Variants in KLC2 observed in about 807,000 individuals in gnomAD.
The protein encoded by KLC2 is kinesin light chain 2, also known as KLC 2.
A neutral mutation model predicts 75.1 loss-of-function variants in KLC2; 35 were observed. The observed-to-expected ratio is 0.47, with a 90% CI of 0.36 to 0.62. KLC2 has a LOEUF of 0.62. KLC2 is among the 20% of genes least tolerant of loss of function. The probability of loss-of-function intolerance (pLI) is 0.00; values close to 1 mark genes in which losing one functional copy is unlikely to be tolerated. For missense variants in KLC2, 611 were observed against 833.2 expected, an observed-to-expected ratio of 0.73 and a Z score of 3.28; for synonymous variants, 314 against 336.7, an observed-to-expected ratio of 0.93 and a Z score of 0.74.
At position 66,267,730 on chromosome 11, in the gene KLC2, C is replaced by A. The variant is rs1024389156; in HGVS notation, c.*774C>A. 6.1e-6 allele frequency: 3 copies of A among 489,072 alleles called. No individual in the cohort carries two copies. The highest frequency in any genetic ancestry group is 4.1e-5 in the African/African-American group (2 of 49,046). The allele number at this position is 489,072 out of a possible 1,614,324, so 30.3% of individuals were successfully genotyped here. ...CGAGCCATCCTGCCTCGCCTCCCCC[C>A]ACGCCTGCAGCTTCTCGCGAGGGGC... On this transcript the variant is annotated 3_prime_UTR_variant, in exon 16 of 16. Coordinates refer to ENST00000394067, the MANE Select transcript of KLC2 (RefSeq NM_001318734.2).
chr11:66,258,535 G>C, intron 1 of KLC2, 49 bp from the exon 2 acceptor site: 2 of 1,303,584 alleles, frequency 1.5e-6, no homozygotes, highest in Non-Finnish European at 2.2e-6. Context: ...GCGGACGGCG[G>C]TGTGGCCCCA....
Position 66,267,516 on chromosome 11 carries a change from C to T in KLC2, c.*560C>T. 1.5e-6 allele frequency: 1 copy of T among 673,168 alleles called. No homozygotes were observed. The highest frequency in any genetic ancestry group is 2.8e-6 in the Non-Finnish European group (1 of 360,858). 41.7% of individuals were successfully genotyped at this position (673,168 alleles called of 1,614,324 possible). The stretch of plus-strand genomic sequence containing the variant: ...GCGCCTCCCAAGGGGGTCCTGGGAC[C>T]TTCTCGCGCTCCTCCTGGCCTCTGA... On this transcript the variant is annotated 3_prime_UTR_variant, in exon 16 of 16. Transcript: ENST00000394067.
rs756208174 is a variant in KLC2 at position 66,267,583 on chromosome 11, G to A, written c.*627G>A. On this transcript the variant is annotated 3_prime_UTR_variant, in exon 16 of 16. Coordinates refer to ENST00000394067, the MANE Select transcript of KLC2 (RefSeq NM_001318734.2). ...GCGCCATCGCCCCGTGGCCCAGGAC[G>A]GGGACCTCCCCTTAGTCCGTCCTCC... The A allele has an allele frequency of 4.0e-5, 25 of 618,914 alleles. No homozygotes were observed. The highest frequency in any genetic ancestry group is 2.4e-4 in the South Asian group (13 of 53,782). The allele number at this position is 618,914 out of a possible 1,614,324, so 38.3% of individuals were successfully genotyped here.
rs71457705 is a variant in KLC2, at chr11:66,267,538, C to T, written c.*582C>T. On this transcript the variant is annotated 3_prime_UTR_variant, in exon 16 of 16. Coordinates refer to ENST00000394067, the MANE Select transcript of KLC2 (RefSeq NM_001318734.2). ...GACCTTCTCGCGCTCCTCCTGGCCT[C>T]TGAGGGATGCGTCCTACCCGCGCCA... The T allele has an allele frequency of 1.4e-5, 9 of 652,710 alleles. No individual in the cohort carries two copies. The highest frequency in any genetic ancestry group is 5.4e-5 in the African/African-American group (3 of 55,356). 40.4% of individuals were successfully genotyped at this position (652,710 alleles called of 1,614,324 possible).
chr11:66,267,535 C>G lies in KLC2; in HGVS notation c.*579C>G. The G allele has an allele frequency of 1.5e-6, 1 of 655,182 alleles. No individual in the cohort carries two copies. The highest frequency in any genetic ancestry group is 1.8e-5 in the African/African-American group (1 of 55,424). 40.6% of individuals were successfully genotyped at this position (655,182 alleles called of 1,614,324 possible). ...TGGGACCTTCTCGCGCTCCTCCTGG[C>G]CTCTGAGGGATGCGTCCTACCCGCG... On this transcript the variant is annotated 3_prime_UTR_variant, in exon 16 of 16. Coordinates refer to ENST00000394067, the MANE Select transcript of KLC2 (RefSeq NM_001318734.2).
In KLC2 at chr11:66,264,056, A is replaced by G. The variant is rs1473654370; in HGVS notation, c.953A>G (p.Lys318Arg). Reference sequence around the variant, plus strand: ...CCTCTCCCATCCCAGGTCCTGGGCAAGTTTCACCCAGATGTGGCCAAGCAG... The same window carrying G: ...CCTCTCCCATCCCAGGTCCTGGGCAGGTTTCACCCAGATGTGGCCAAGCAG... ...ALEIREKVLGKFHPDVAKQLS... is the reference protein window; with the variant it reads ...ALEIREKVLGRFHPDVAKQLS... The change falls in exon 8 of 16, where the codon AAG becomes AGG. Residue 318 changes from lysine (K) to arginine (R), a missense_variant. Lys to Arg is a conservative substitution (Grantham distance 26). Transcript: ENST00000394067. 6.2e-7 allele frequency: 1 copy of G among 1,607,776 alleles called. No individual in the cohort carries two copies. Among genetic ancestry groups the G allele is most frequent in the East Asian group, 2.2e-5 (1 of 44,624 alleles).
chr11:66,262,748 C>A, intron 4 of KLC2, 66 bp from the exon 5 acceptor site: 1 of 1,207,384 alleles, frequency 8.3e-7, no homozygotes, highest in South Asian at 1.3e-5. Context: ...AAAGGCACAG[C>A]TGGCATGTGC....
upstream of KLC2, among the ~76,000 whole-genome samples, chr11:66,256,760 A>C (rs1365034908): frequency 1.3e-5 from 2 of 152,200 alleles, no homozygotes; most frequent in Non-Finnish European, 2.9e-5. Context: ...CACTTGTGTC[A>C]AAGGCAGCCT....
chr11:66,246,108 A>T, the KLC2 span: 3 of 152,476 alleles, frequency 2.0e-5, no homozygotes, highest in Admixed American at 2.0e-4. Context: ...AATGAAAATC[A>T]TACCTGCCTT....
At chr11:66,256,367 AT>A (rs1856038477), upstream of KLC2, among the ~76,000 whole-genome samples, 1 of 152,152 alleles carries the variant, frequency 6.6e-6, no homozygotes, top group African/African-American at 2.4e-5. Flanking sequence ...AGGTGAGTGG[AT>A]CACCTGAGGT....
chr11:66,266,374 T>C (rs1856825005), intron 14 of KLC2, 59 bp from the exon 15 acceptor site: 1 of 909,852 alleles, frequency 1.1e-6, no homozygotes. Flanking sequence ...CCCTTCTCCC[T>C]GCCCCCATCT....
chr11:66,266,466 C>G lies in KLC2; in HGVS notation c.1761C>G (p.Asn587Lys), dbSNP rs1277875696. ...GGGCCAGTTCCCTCAACTTCCTCAA[C>G]AAGAGCGTGGAAGAGCCGACCCAGG... ...MKRASSLNFL[N>K]KSVEEPTQPG... The change falls in exon 15 of 16, where the codon AAC becomes AAG. Residue 587 changes from asparagine to lysine, a missense_variant. Transcript: ENST00000394067. The G allele has an allele frequency of 6.2e-7, 1 of 1,613,128 alleles. No individual in the cohort carries two copies. The highest frequency in any genetic ancestry group is 8.5e-7 in the Non-Finnish European group (1 of 1,179,482).
At chr11:66,244,231 G>A in the KLC2 span, 1 of 152,378 alleles carries the variant, frequency 6.6e-6, no homozygotes, top group African/African-American at 2.4e-5. Context: ...CAGACATTCT[G>A]TTTCATCTCC....
intron 2 of KLC2, 45 bp downstream of exon 2, chr11:66,258,867 C>T (rs759574325): frequency 1.5e-6 from 2 of 1,366,192 alleles, no homozygotes; most frequent in Non-Finnish European, 2.1e-6. Flanking sequence ...CTGGAGGGAT[C>T]GAGCCTTCAA....
At position 66,265,908 on chromosome 11, in the gene KLC2, G is replaced by T. The variant is rs372035425; in HGVS notation, c.1498G>T (p.Gly500Cys). The T allele has an allele frequency of 4.7e-5, 75 of 1,580,066 alleles. No individual in the cohort carries two copies. The African/African-American group carries it at 9.1e-4, about 19-fold the overall frequency. The change falls in exon 13 of 16, where the codon GGC becomes TGC. Residue 500 changes from glycine to cysteine, a missense_variant. Gly to Cys is a radical substitution (Grantham distance 159). Transcript: ENST00000394067. ...GGTAGAACTGCTGAAAGATGGCAGT[G>T]GCAGGCGGGGAGACCGCCGCAGCAG... ...KVVELLKDGS[G>C]RRGDRRSSRD... is the part of the protein sequence containing the mutation.
Position 66,258,763 on chromosome 11 carries a change from C to G in KLC2, c.169C>G (p.Arg57Gly). 6.2e-7 allele frequency: 1 copy of G among 1,613,502 alleles called. No homozygotes were observed. Among genetic ancestry groups the G allele is most frequent in the Non-Finnish European group, 8.5e-7 (1 of 1,179,982 alleles). Residue 57 changes from arginine to glycine, a missense_variant, in exon 2 of 16, where the codon CGC becomes GGC. By Grantham distance (125) the Arg-to-Gly change is moderately radical. Transcript: ENST00000394067. ...AGEAEPGSQE[R>G]CILLRRSLEA... ...CGAAGCCGAGCCTGGCTCGCAGGAG[C>G]GCTGCATCCTCCTGCGTCGCTCCCT...
the KLC2 span, among the ~76,000 whole-genome samples, chr11:66,248,082 G>C: frequency 1.3e-5 from 2 of 152,340 alleles, no homozygotes; most frequent in African/African-American, 4.8e-5. Flanking sequence ...AGGTCCGCCA[G>C]AGACTAAAGG....
chr11:66,250,420 C>A, the KLC2 span, among the ~76,000 whole-genome samples: 1 of 152,118 alleles, frequency 6.6e-6, no homozygotes, highest in East Asian at 1.9e-4. Flanking sequence ...GTTTCTAAAC[C>A]CCATCATCTG....
rs765437475 is a variant in KLC2, at chr11:66,266,119, C to T, written c.1629C>T (p.Ser543=). Residue 543 remains serine, a synonymous_variant, in exon 14 of 16, where the codon AGC becomes AGT. Transcript: ENST00000394067. ...ATGGCAGTGGCTCCTTGAGGCGCAG[C>T]GGTTCCTTTGGGAAACTCCGGGATG... ...NGDGSGSLRR[S]GSFGKLRDAL... 8.7e-6 allele frequency: 14 copies of T among 1,613,884 alleles called. No individual in the cohort carries two copies. The highest frequency in any genetic ancestry group is 1.7e-4 in the Middle Eastern group (1 of 6,052).
Sources: allele counts gnomAD v4.1 joint callset (sites outside exome capture counted in the v4.1 genomes callset), GRCh38; gene constraint gnomAD v4.1.1; transcripts MANE v1.5; gene names NCBI Gene and HGNC (gene_info 2026-07-23, HGNC 2026-07-21).